The following C10orf67 variants were observed in gnomAD, a reference collection of about 807,000 sequenced individuals.
C10orf67 encodes uncharacterized protein C10orf67, mitochondrial.
Under a neutral mutation model 35.6 loss-of-function variants are expected in C10orf67, and 60 were observed. That is an observed-to-expected ratio of 1.68 (90% CI 1.37 to 2.09). The LOEUF is 2.09. Ranked by LOEUF, C10orf67 falls within the 30% of genes most tolerant of loss-of-function variation. The pLI is 0.00. For synonymous variants in C10orf67, 167 were observed against 115.8 expected, an observed-to-expected ratio of 1.44 and a Z score of -2.84; for missense variants, 474 against 330.2, an observed-to-expected ratio of 1.44 and a Z score of -3.38.
intron 4 of C10orf67, among the ~76,000 whole-genome samples, chr10:23,307,387 G>A (rs1020932554): frequency 2.6e-5 from 4 of 152,062 alleles, no homozygotes; most frequent in Non-Finnish European, 4.4e-5. Context: ...TTTCAAAAGA[G>A]TTAGATTTGT....
At chr10:23,273,524 C>T (rs780464720) in intron 8 of C10orf67, among the ~76,000 whole-genome samples, 18 of 152,308 alleles carry the variant, frequency 1.2e-4, no homozygotes, top group Non-Finnish European at 2.4e-4. Flanking sequence ...ATAGCATCAG[C>T]TTGCAGTCTG....
chr10:23,336,760 G>A (rs779273920), intron 1 of C10orf67, among the ~76,000 whole-genome samples: 1 of 152,048 alleles, frequency 6.6e-6, no homozygotes, highest in South Asian at 2.1e-4. Context: ...TGATCCACCT[G>A]CCTCGGCCTC....
chr10:23,236,235 CGA>C (rs549525097), intron 13 of C10orf67, among the ~76,000 whole-genome samples: 87 of 121,584 alleles, frequency 7.2e-4, no homozygotes, highest in African/African-American at 2.6e-3. Context: ...GGCGACAGAG[CGA>C]GACTCCCTCT....
chr10:23,339,349 G>C (rs1311071578), intron 1 of C10orf67, among the ~76,000 whole-genome samples: 1 of 147,146 alleles, frequency 6.8e-6, no homozygotes, highest in Non-Finnish European at 1.5e-5. Flanking sequence ...ATTCTTTGGG[G>C]TGCCTCTTAG....
chr10:23,283,113 C>T (rs1262311323), intron 7 of C10orf67, among the ~76,000 whole-genome samples: 2 of 151,964 alleles, frequency 1.3e-5, no homozygotes, highest in African/African-American at 4.8e-5. Context: ...TGATGCATAC[C>T]CCACTTACCC....
At chr10:23,301,788 AGT>A (rs1350972757) in intron 5 of C10orf67, among the ~76,000 whole-genome samples, 4 of 152,148 alleles carry the variant, frequency 2.6e-5, no homozygotes, top group Non-Finnish European at 4.4e-5. Context: ...CCATGCAGTG[AGT>A]GTTATAGCTC....
intron 15 of C10orf67, among the ~76,000 whole-genome samples, chr10:23,222,643 G>A (rs1841616510): frequency 6.6e-6 from 1 of 151,918 alleles, no homozygotes; most frequent in Non-Finnish European, 1.5e-5. Context: ...ATGTACCCCT[G>A]GAACCTAAAG....
intron 15 of C10orf67, among the ~76,000 whole-genome samples, chr10:23,219,705 C>T (rs1841526271): frequency 6.6e-6 from 1 of 152,052 alleles, no homozygotes; most frequent in Non-Finnish European, 1.5e-5. Context: ...TGCAACATAA[C>T]AAAAAATCAT....
chr10:23,339,199 T>C (rs1845793758), intron 1 of C10orf67, among the ~76,000 whole-genome samples: 1 of 152,152 alleles, frequency 6.6e-6, no homozygotes, highest in Non-Finnish European at 1.5e-5. Flanking sequence ...CTGGTCACTT[T>C]GTGATCCTTA....
chr10:23,302,500 T>C (rs1280212197), intron 5 of C10orf67, among the ~76,000 whole-genome samples: 1 of 152,196 alleles, frequency 6.6e-6, no homozygotes, highest in Non-Finnish European at 1.5e-5. Flanking sequence ...ATCTGATACC[T>C]GCTATTGCTA....
At chr10:23,276,329 G>A (rs567079346) in intron 8 of C10orf67, among the ~76,000 whole-genome samples, 1 of 152,256 alleles carries the variant, frequency 6.6e-6, no homozygotes, top group Non-Finnish European at 1.5e-5. Context: ...GGGATAAAGG[G>A]AGCCTCTTGA....
At chr10:23,321,243 T>C (rs190387329) in intron 3 of C10orf67, among the ~76,000 whole-genome samples, 26 of 152,372 alleles carry the variant, frequency 1.7e-4, no homozygotes, top group African/African-American at 5.8e-4. Context: ...AATCAAATGA[T>C]TTGATTAGAT....
intron 7 of C10orf67, among the ~76,000 whole-genome samples, chr10:23,287,750 C>G (rs12269034): frequency 0.04 from 6,140 of 152,134 alleles, 177 homozygotes; most frequent in Middle Eastern, 0.088. Context: ...CCAGAATCTA[C>G]AAGGAACTTA....
chr10:23,246,144 A>T (rs1842310647), intron 12 of C10orf67, among the ~76,000 whole-genome samples: 1 of 152,198 alleles, frequency 6.6e-6, no homozygotes, highest in African/African-American at 2.4e-5. Flanking sequence ...GTGGGAGCAA[A>T]ACATTGAGGA....
intron 4 of C10orf67, among the ~76,000 whole-genome samples, chr10:23,319,092 A>C (rs1844847242): frequency 6.6e-6 from 1 of 152,106 alleles, no homozygotes; most frequent in Admixed American, 6.5e-5. Flanking sequence ...TGTACAGATT[A>C]TTTCATCATG....
At chr10:23,259,472 A>G (rs149555695) in intron 10 of C10orf67, among the ~76,000 whole-genome samples, 1 of 152,324 alleles carries the variant, frequency 6.6e-6, no homozygotes, top group East Asian at 1.9e-4. Context: ...ACTTATATTC[A>G]AAGTAAATTA....
chr10:23,284,520 A>C (rs1420834282), intron 7 of C10orf67, among the ~76,000 whole-genome samples: 2 of 137,836 alleles, frequency 1.5e-5, no homozygotes, highest in Non-Finnish European at 3.0e-5. Flanking sequence ...CCATCTCCAC[A>C]AAAAAAAAAA....
intron 2 of C10orf67, among the ~76,000 whole-genome samples, chr10:23,328,993 C>CAAAAAAAAAAAAAAAAAACAA (rs1845310437): frequency 2.5e-5 from 2 of 78,732 alleles, no homozygotes; most frequent in Non-Finnish European, 4.9e-5. Context: ...CATAAACGAA[C>CAAAAAAAAAAAAAAAAAACAA]AAAAAAAAAA....
chr10:23,319,818 T>C (rs528139674), intron 4 of C10orf67, among the ~76,000 whole-genome samples: 1 of 152,348 alleles, frequency 6.6e-6, no homozygotes, highest in African/African-American at 2.4e-5. Context: ...GACCTGACTT[T>C]GCCTATGTCT....
Sources: allele counts gnomAD v4.1 joint callset (sites outside exome capture counted in the v4.1 genomes callset), GRCh38; gene constraint gnomAD v4.1.1; transcripts MANE v1.5; gene names NCBI Gene and HGNC (gene_info 2026-07-23, HGNC 2026-07-21).